The following TBC1D23 variants were observed in gnomAD, a reference collection of about 807,000 sequenced individuals.
TBC1D23 encodes the protein TBC1 domain family member 23.
A neutral mutation model predicts 91.4 loss-of-function variants in TBC1D23; 55 were observed. The observed-to-expected ratio is 0.60, with a 90% CI of 0.48 to 0.75. The LOEUF is 0.75. Ranked by LOEUF, TBC1D23 falls within the 30% of genes least tolerant of loss-of-function variation. TBC1D23 has a pLI of 0.00. For missense variants in TBC1D23, 725 were observed against 836.1 expected (o/e 0.87, Z 1.64); for synonymous variants, 289 against 281.0 (o/e 1.03, Z -0.28).
chr3:100,310,808 A>G (rs1208306915), intron 14 of TBC1D23, among the ~76,000 whole-genome samples: 1 of 152,216 alleles, frequency 6.6e-6, no homozygotes, highest in African/African-American at 2.4e-5. Context: ...CCCAGTATGT[A>G]TCACATTTCA....
In TBC1D23 at chr3:100,304,875, TG is replaced by T; in HGVS notation, c.1295del (p.Gly432GlufsTer52). ...ACAAAGAATATGTGAGTATTGCCAG[TG>T]GAGGATTTATGGGTAAGATTTTGAT... Reference protein sequence around the residue: ...KNKEYVSIASGGFMALQQHLA... With the variant: ...KNKEYVSIASXGFMALQQHLA... On this transcript the variant is annotated frameshift_variant, in exon 12 of 19. Transcript: ENST00000394144. LOFTEE classifies it high-confidence loss of function. 1 of 1,501,198 alleles carries T rather than the reference TG, an allele frequency of 6.7e-7. No individual in the cohort carries two copies. The highest frequency in any genetic ancestry group is 9.3e-7 in the Non-Finnish European group (1 of 1,079,734). 93.0% of individuals were successfully genotyped at this position (1,501,198 alleles called of 1,614,324 possible).
At chr3:100,308,460 G>T (rs1185515039) in intron 13 of TBC1D23, among the ~76,000 whole-genome samples, 2 of 149,792 alleles carry the variant, frequency 1.3e-5, no homozygotes, top group East Asian at 3.9e-4. Context: ...CTGGGCGACA[G>T]AACGAGACTC....
In TBC1D23 at chr3:100,319,616, C is replaced by CG. The variant is rs1705815596; in HGVS notation, c.1823+416dup. Among the ~76,000 whole-genome samples, 2 of 151,856 alleles carry CG rather than the reference C, an allele frequency of 1.3e-5. 1 individual carries two copies. Among genetic ancestry groups the CG allele is most frequent in the South Asian group, 4.2e-4 (2 of 4,800 alleles). ...GCTAATTTTGTATTTTTAGTAGAGA[C>CG]GGGGTTTCTCTATGTTGGTCAGGCT... On this transcript the variant is annotated intron_variant, in intron 17 of 18. Coordinates refer to ENST00000394144, the MANE Select transcript of TBC1D23 (RefSeq NM_001199198.3).
intron 1 of TBC1D23, among the ~76,000 whole-genome samples, chr3:100,262,815 TA>T (rs1353837855): frequency 2.0e-5 from 3 of 152,140 alleles, no homozygotes; most frequent in Non-Finnish European, 4.4e-5. Context: ...AATCATTGTT[TA>T]AAAAATTAGA....
At chr3:100,266,744 A>G (rs1259531860) in intron 1 of TBC1D23, among the ~76,000 whole-genome samples, 1 of 152,172 alleles carries the variant, frequency 6.6e-6, no homozygotes, top group Non-Finnish European at 1.5e-5. Flanking sequence ...TTCCCTCTGT[A>G]AGTATAGTGA....
intron 14 of TBC1D23, among the ~76,000 whole-genome samples, chr3:100,310,755 A>C (rs1351823534): frequency 6.6e-6 from 1 of 152,240 alleles, no homozygotes. Context: ...GATGCAAATA[A>C]TGTATCTGTC....
At chr3:100,303,510 C>T (rs1337600229) in intron 11 of TBC1D23, among the ~76,000 whole-genome samples, 1 of 152,180 alleles carries the variant, frequency 6.6e-6, no homozygotes, top group South Asian at 2.1e-4. Context: ...GTGGCTCCCA[C>T]CTATAATCCC....
chr3:100,272,143 A>G (rs1407611848), intron 1 of TBC1D23, among the ~76,000 whole-genome samples: 2 of 152,226 alleles, frequency 1.3e-5, no homozygotes, highest in African/African-American at 2.4e-5. Context: ...CAAGTTTATC[A>G]TACTGTAAAC....
At chr3:100,296,587 T>C (rs980123789) in intron 8 of TBC1D23, among the ~76,000 whole-genome samples, 3 of 152,010 alleles carry the variant, frequency 2.0e-5, no homozygotes, top group Non-Finnish European at 4.4e-5. Context: ...GGGCCGGGCG[T>C]GGTGGCTCAC....
At chr3:100,312,063 T>G (rs1705634220) in intron 15 of TBC1D23, among the ~76,000 whole-genome samples, 186 bp downstream of exon 15, 2 of 152,230 alleles carry the variant, frequency 1.3e-5, no homozygotes, top group Admixed American at 6.5e-5. Flanking sequence ...TGTTTTTTGC[T>G]TGATCATTTT....
At chr3:100,320,140 CTCTTCATGATGAATGAATCCTTTGAGT>C (rs1705824149) in intron 17 of TBC1D23, among the ~76,000 whole-genome samples, 1 of 152,080 alleles carries the variant, frequency 6.6e-6, no homozygotes, top group Non-Finnish European at 1.5e-5. Flanking sequence ...CTTCCCTTTT[CTCTTCATGATGAATGAATCCTTTGAGT>C]CCAGGTCAAT....
In TBC1D23 at chr3:100,269,976, A is replaced by G. The variant is rs541317710; in HGVS notation, c.53+8905A>G. Reference sequence around the variant, plus strand: ...AGGCTTATACCTGATTAGGATATGTACATGGACAAGCTGGGCTGTCATGGT... The same window carrying G: ...AGGCTTATACCTGATTAGGATATGTGCATGGACAAGCTGGGCTGTCATGGT... On this transcript the variant is annotated intron_variant, in intron 1 of 18. Transcript: ENST00000394144. Among the ~76,000 whole-genome samples, 9 of 152,378 alleles carry G rather than the reference A, an allele frequency of 5.9e-5. No homozygotes were observed. In the South Asian group the frequency reaches 1.7e-3, roughly 28 times the overall value.
At chr3:100,269,288 A>G (rs981857010) in intron 1 of TBC1D23, among the ~76,000 whole-genome samples, 1 of 152,216 alleles carries the variant, frequency 6.6e-6, no homozygotes, top group East Asian at 1.9e-4. Flanking sequence ...TTCATAAGGG[A>G]ATCTCCCAAA....
At chr3:100,292,851 C>T (rs1411027465) in intron 5 of TBC1D23, among the ~76,000 whole-genome samples, 1 of 152,138 alleles carries the variant, frequency 6.6e-6, no homozygotes, top group Non-Finnish European at 1.5e-5. Context: ...TCCTCTCACG[C>T]AGGCCTCCCA....
chr3:100,324,038 T>C lies in TBC1D23; in HGVS notation c.*370T>C, dbSNP rs1251251082. On this transcript the variant is annotated 3_prime_UTR_variant, in exon 19 of 19. Coordinates refer to ENST00000394144, the MANE Select transcript of TBC1D23 (RefSeq NM_001199198.3). ...CAACTGTACACATACATATCTGCAG[T>C]GTCTTCACTGAAAATTAGAGATAGA... 1 of 152,338 alleles carries C rather than the reference T, an allele frequency of 6.6e-6. No homozygotes were observed. The highest frequency in any genetic ancestry group is 1.5e-5 in the Non-Finnish European group (1 of 68,098). The allele number at this position is 152,338 out of a possible 1,614,324, so 9.4% of individuals were successfully genotyped here. A position where few individuals can be genotyped will look rare whatever the true frequency, so the allele number is the denominator to read the frequency against.
chr3:100,313,069 T>C (rs1297016585), intron 15 of TBC1D23, among the ~76,000 whole-genome samples: 3 of 151,928 alleles, frequency 2.0e-5, no homozygotes, highest in African/African-American at 7.2e-5. Flanking sequence ...ACTTATCTTC[T>C]AAGAGTTTTG....
Position 100,299,349 on chromosome 3 carries a change from T to C in TBC1D23, c.1092+18T>C. 1.4e-6 allele frequency: 2 copies of C among 1,465,442 alleles called. No homozygotes were observed. Among genetic ancestry groups the C allele is most frequent in the Non-Finnish European group, 1.9e-6 (2 of 1,059,616 alleles). 90.8% of individuals were successfully genotyped at this position (1,465,442 alleles called of 1,614,324 possible). ...CAGACCTGGTTAGTATAAATGCTGATTAATTATTCTTAAAGTAACTTTTTT... is the reference window on the plus strand; with the variant it reads ...CAGACCTGGTTAGTATAAATGCTGACTAATTATTCTTAAAGTAACTTTTTT... On this transcript the variant is annotated intron_variant, in intron 10 of 18. Transcript: ENST00000394144.
intron 1 of TBC1D23, among the ~76,000 whole-genome samples, chr3:100,274,262 A>G (rs2067626736): frequency 6.6e-6 from 1 of 152,208 alleles, no homozygotes; most frequent in Non-Finnish European, 1.5e-5. Flanking sequence ...TTATTTAAGC[A>G]TTAACTGACC....
intron 16 of TBC1D23, among the ~76,000 whole-genome samples, chr3:100,317,203 A>G (rs1705764941): frequency 6.6e-6 from 1 of 152,186 alleles, no homozygotes; most frequent in African/African-American, 2.4e-5. Context: ...GTCATAACTA[A>G]TATTGGTTAA....
Sources: allele counts gnomAD v4.1 joint callset (sites outside exome capture counted in the v4.1 genomes callset), GRCh38; gene constraint gnomAD v4.1.1; transcripts MANE v1.5; gene names NCBI Gene and HGNC (gene_info 2026-07-23, HGNC 2026-07-21).